TTC29: variants seen among roughly 807,000 people sequenced by gnomAD.
TTC29 encodes the protein tetratricopeptide repeat protein 29.
Under a neutral mutation model 58.1 loss-of-function variants are expected in TTC29, and 49 were observed. The observed-to-expected ratio is 0.84, with a 90% CI of 0.67 to 1.07. TTC29 has a LOEUF of 1.07. Ranked by LOEUF, TTC29 falls within the 50% of genes least tolerant of loss-of-function variation. The pLI, the probability that TTC29 is intolerant of heterozygous loss-of-function variation, is 0.00. For synonymous variants in TTC29, 209 were observed against 196.8 expected (o/e 1.06, Z -0.52); for missense variants, 582 against 555.6 (o/e 1.05, Z -0.48).
In TTC29 at chr4:146,802,290, C is replaced by T. The variant is rs143679571; in HGVS notation, c.1330+1167G>A. 4.8e-3 allele frequency among the ~76,000 whole-genome samples: 731 copies of T among 152,256 alleles called. 4 individuals carry two copies. Among genetic ancestry groups the T allele is most frequent in the Non-Finnish European group, 8.8e-3 (600 of 68,028 alleles). Reference sequence around the variant, plus strand: ...ATACATAACTCAAAACTACAGACCTCTCAAATACGTGATGACAAGACAGCA... The same window carrying T: ...ATACATAACTCAAAACTACAGACCTTTCAAATACGTGATGACAAGACAGCA... On this transcript the variant is annotated intron_variant, in intron 11 of 12. Coordinates refer to ENST00000325106, the MANE Select transcript of TTC29 (RefSeq NM_031956.4).
intron 11 of TTC29, among the ~76,000 whole-genome samples, chr4:146,740,496 A>G (rs909391541): frequency 6.6e-6 from 1 of 152,076 alleles, no homozygotes; most frequent in African/African-American, 2.4e-5. Flanking sequence ...GGTTAGTTAC[A>G]TATGTATACA....
intron 9 of TTC29, among the ~76,000 whole-genome samples, chr4:146,830,252 A>G (rs1728069712): frequency 1.3e-5 from 2 of 152,182 alleles, no homozygotes; most frequent in South Asian, 4.1e-4. Context: ...AATGGCAAAA[A>G]TAACAAAACT....
Position 146,872,854 on chromosome 4 carries a change from T to C in TTC29, c.799+1862A>G, listed in dbSNP as rs758294753. ...CTCAATAAGTTGAACACAGTTATCA[T>C]ATAACCCAGCGATGCCACTCCTAAG... is the stretch of plus-strand genomic sequence containing the variant. On this transcript the variant is annotated intron_variant, in intron 7 of 12. Transcript: ENST00000325106. Among the ~76,000 whole-genome samples, 6 of 152,128 alleles carry C rather than the reference T, an allele frequency of 3.9e-5. No homozygotes were observed. The South Asian group carries it at 1.2e-3, about 32-fold the overall frequency.
intron 11 of TTC29, among the ~76,000 whole-genome samples, chr4:146,736,180 A>T (rs1316774966): frequency 6.6e-6 from 1 of 152,046 alleles, no homozygotes; most frequent in Non-Finnish European, 1.5e-5. Context: ...ATCAAGATAA[A>T]GATTGAGGAA....
At chr4:146,896,927 G>A (rs889753707) in intron 6 of TTC29, among the ~76,000 whole-genome samples, 2 of 152,050 alleles carry the variant, frequency 1.3e-5, no homozygotes, top group Non-Finnish European at 2.9e-5. Context: ...ATGAAGATAC[G>A]AAGCAGTTTT....
intron 2 of TTC29, among the ~76,000 whole-genome samples, chr4:146,940,147 A>G (rs1236352860): frequency 6.6e-6 from 1 of 152,330 alleles, no homozygotes; most frequent in South Asian, 2.1e-4. Flanking sequence ...CACAAAGTAG[A>G]TAAGAAGAAA....
At chr4:146,913,874 A>G (rs1315671753) in intron 4 of TTC29, among the ~76,000 whole-genome samples, 1 of 152,178 alleles carries the variant, frequency 6.6e-6, no homozygotes, top group African/African-American at 2.4e-5. Flanking sequence ...TCTGTGATAT[A>G]TAACTGATAT....
At chr4:146,733,642 A>G (rs1422109790) in intron 11 of TTC29, among the ~76,000 whole-genome samples, 2 of 152,168 alleles carry the variant, frequency 1.3e-5, no homozygotes, top group Non-Finnish European at 2.9e-5. Flanking sequence ...ACTGGCTTTC[A>G]TCTTAAGGAT....
chr4:146,944,245 C>T (rs568867956), intron 2 of TTC29: 3 of 152,284 alleles, frequency 2.0e-5, no homozygotes, highest in South Asian at 2.1e-4. Context: ...ATCAAAAGGC[C>T]GCCTGAAGCC....
intron 11 of TTC29, among the ~76,000 whole-genome samples, chr4:146,755,726 A>G (rs1420068399): frequency 6.6e-6 from 1 of 152,094 alleles, no homozygotes; most frequent in East Asian, 1.9e-4. Context: ...ATATTATGTT[A>G]TATACCTTAG....
chr4:146,816,154 T>A (rs1393970723), intron 10 of TTC29, among the ~76,000 whole-genome samples: 1 of 150,124 alleles, frequency 6.7e-6, no homozygotes, highest in Non-Finnish European at 1.5e-5. Context: ...ATCCCTATTC[T>A]AACAAAAAAT....
At chr4:146,856,168 C>A (rs760228780) in intron 8 of TTC29, among the ~76,000 whole-genome samples, 5 of 152,084 alleles carry the variant, frequency 3.3e-5, no homozygotes, top group African/African-American at 1.2e-4. Flanking sequence ...TCTTAGGATG[C>A]GCTAAATAAA....
intron 8 of TTC29, among the ~76,000 whole-genome samples, chr4:146,838,100 A>G (rs1373702121): frequency 6.6e-6 from 1 of 152,048 alleles, no homozygotes; most frequent in Admixed American, 6.6e-5. Context: ...AACAATTTCC[A>G]TGACTTCAGA....
intron 10 of TTC29, among the ~76,000 whole-genome samples, chr4:146,810,034 C>T (rs559594791): frequency 2.6e-5 from 4 of 152,240 alleles, no homozygotes; most frequent in South Asian, 2.1e-4. Flanking sequence ...CAATGATAGA[C>T]TGGATAAAGA....
At chr4:146,945,304 T>C (rs762292897) in intron 1 of TTC29, 9 of 152,192 alleles carry the variant, frequency 5.9e-5, no homozygotes, top group Non-Finnish European at 1.3e-4. Flanking sequence ...GAAATATGTA[T>C]ATGTATTGAT....
chr4:146,872,524 A>G (rs1730999370), intron 7 of TTC29, among the ~76,000 whole-genome samples: 1 of 152,094 alleles, frequency 6.6e-6, no homozygotes, highest in African/African-American at 2.4e-5. Context: ...TATATACAGA[A>G]TTCTTAAAAC....
chr4:146,763,779 T>C (rs891823455), intron 11 of TTC29: 5 of 152,094 alleles, frequency 3.3e-5, no homozygotes, highest in African/African-American at 1.2e-4. Context: ...AAAGTGGAAG[T>C]CATATACCGT....
chr4:146,938,235 C>T (rs1030303466), intron 3 of TTC29, among the ~76,000 whole-genome samples: 74 of 152,122 alleles, frequency 4.9e-4, no homozygotes, highest in Admixed American at 3.7e-3. Flanking sequence ...TCATTCTTCA[C>T]ACCCTTTTGC....
intron 11 of TTC29, among the ~76,000 whole-genome samples, chr4:146,718,417 G>T (rs1015538411): frequency 6.6e-6 from 1 of 152,138 alleles, no homozygotes; most frequent in Non-Finnish European, 1.5e-5. Flanking sequence ...TCTAACAGGT[G>T]TGGTTTGATA....
Sources: gnomAD v4.1 joint callset for allele counts (sites outside exome capture counted in the v4.1 genomes callset) on GRCh38, gnomAD v4.1.1 for gene constraint, MANE v1.5 for transcripts, NCBI Gene and HGNC (gene_info 2026-07-23, HGNC 2026-07-21) for gene names.